Variants in ST18 observed in about 807,000 individuals in gnomAD.
ST18 encodes the protein suppression of tumorigenicity 18 protein.
Under a neutral mutation model 110.0 loss-of-function variants are expected in ST18, and 50 were observed. That is an observed-to-expected ratio of 0.45 (90% confidence interval 0.36 to 0.58). The LOEUF (loss-of-function observed/expected upper bound fraction) is 0.58, where lower values mean the gene tolerates loss of function less well. Among genes scored for constraint, ST18 ranks in the 20% least tolerant of loss-of-function variants. The probability of loss-of-function intolerance (pLI) is 0.00; values close to 1 mark genes in which losing one functional copy is unlikely to be tolerated. For synonymous variants in ST18, 461 were observed against 452.4 expected, an observed-to-expected ratio of 1.02 and a Z score of -0.24; for missense variants, 1,306 against 1,280.1, an observed-to-expected ratio of 1.02 and a Z score of -0.31.
intron 8 of ST18, among the ~76,000 whole-genome samples, chr8:52,211,383 T>A (rs1028892906): frequency 9.4e-6 from 1 of 106,012 alleles, no homozygotes; most frequent in African/African-American, 3.4e-5. Context: ...ATCTAATTAT[T>A]ATTATTATTA....
chr8:52,379,890 T>G (rs1434361548), intron 2 of ST18, among the ~76,000 whole-genome samples: 1 of 152,236 alleles, frequency 6.6e-6, no homozygotes, highest in Admixed American at 6.5e-5. Flanking sequence ...CCTGTTGTGA[T>G]TGTGGTGAGC....
chr8:52,283,486 G>A (rs74779857), intron 2 of ST18, among the ~76,000 whole-genome samples: 1 of 152,142 alleles, frequency 6.6e-6, no homozygotes, highest in East Asian at 1.9e-4. Context: ...CAGTGAGACA[G>A]GAAGAAAATG....
At position 52,133,122 on chromosome 8, in the gene ST18, A is replaced by G. The variant is rs1181585666; in HGVS notation, c.2379T>C (p.Pro793=). Residue 793 remains proline (P), a synonymous_variant, in exon 21 of 26, where the codon CCT becomes CCC. Coordinates refer to ENST00000689386, the MANE Select transcript of ST18 (RefSeq NM_001352837.2). ...YASHRSLSGC[P]RARKGGVKMT... ...TTTTGACACCACCTTTCCTTGCACG[A>G]GGGCATCCGGACAAGCTGAAATAGG... is the stretch of plus-strand genomic sequence containing the variant. 1.2e-6 allele frequency: 2 copies of G among 1,614,124 alleles called. No individual in the cohort carries two copies. The highest frequency in any genetic ancestry group is 3.3e-5 in the Admixed American group (2 of 60,018).
At chr8:52,275,103 A>C (rs2095198468) in intron 2 of ST18, among the ~76,000 whole-genome samples, 1 of 152,216 alleles carries the variant, frequency 6.6e-6, no homozygotes, top group Admixed American at 6.5e-5. Context: ...CCAAAAGCAA[A>C]AGCCCTAGAC....
chr8:52,171,066 T>C (rs1162948059), intron 10 of ST18, among the ~76,000 whole-genome samples: 1 of 152,136 alleles, frequency 6.6e-6, no homozygotes, highest in Non-Finnish European at 1.5e-5. Flanking sequence ...CTGATGATGA[T>C]GGGATCTGAA....
At chr8:52,198,709 A>G (rs2076976845) in intron 8 of ST18, among the ~76,000 whole-genome samples, 1 of 152,230 alleles carries the variant, frequency 6.6e-6, no homozygotes, top group Non-Finnish European at 1.5e-5. Context: ...ATATATATGT[A>G]CACACACAAA....
intron 2 of ST18, among the ~76,000 whole-genome samples, chr8:52,242,793 AC>A (rs1357051964): frequency 1.3e-5 from 2 of 150,734 alleles, no homozygotes; most frequent in African/African-American, 4.9e-5. Context: ...ATTCACTTGA[AC>A]CCTGGAGGCA....
chr8:52,392,471 A>C (rs1839651150), intron 2 of ST18, among the ~76,000 whole-genome samples: 1 of 152,168 alleles, frequency 6.6e-6, no homozygotes, highest in African/African-American at 2.4e-5. Context: ...GAGCTTAAGA[A>C]TAGGGAAGAC....
chr8:52,243,852 G>T (rs895653061), intron 2 of ST18, among the ~76,000 whole-genome samples: 2 of 152,050 alleles, frequency 1.3e-5, no homozygotes, highest in Admixed American at 6.6e-5. Flanking sequence ...AGGGTGATGG[G>T]GAGTGTGTGT....
At chr8:52,212,484 A>C (rs925273191) in intron 7 of ST18, among the ~76,000 whole-genome samples, 6 of 152,246 alleles carry the variant, frequency 3.9e-5, no homozygotes, top group African/African-American at 1.2e-4. Context: ...TTAATATTAA[A>C]CACACATTCA....
At chr8:52,357,367 A>G (rs1823226145) in intron 2 of ST18, among the ~76,000 whole-genome samples, 1 of 152,008 alleles carries the variant, frequency 6.6e-6, no homozygotes. Flanking sequence ...AAACTATCCA[A>G]TTAAAATGCA....
At chr8:52,171,720 A>G in intron 10 of ST18, 72 bp downstream of exon 10, 1 of 1,523,256 alleles carries the variant, frequency 6.6e-7, no homozygotes, top group Non-Finnish European at 9.0e-7. Flanking sequence ...TGAAAAAAAT[A>G]ATCAAATCTG....
chr8:52,242,833 T>C (rs2093547517), intron 2 of ST18, among the ~76,000 whole-genome samples: 1 of 151,432 alleles, frequency 6.6e-6, no homozygotes, highest in Admixed American at 6.6e-5. Context: ...GATCATGCCA[T>C]TGCACTCCAG....
Position 52,372,388 on chromosome 8 carries a change from G to A in ST18, c.-465+36940C>T, listed in dbSNP as rs936460758. On this transcript the variant is annotated intron_variant, in intron 2 of 25. Transcript: ENST00000689386. ...AAGTTTATAAAGTAAAAAAGTTACA[G>A]TACACTACGGTTAATTTATTACTGA... is the stretch of plus-strand genomic sequence containing the variant. 2.0e-5 allele frequency among the ~76,000 whole-genome samples: 3 copies of A among 152,270 alleles called. No homozygotes were observed. In the East Asian group the frequency reaches 5.8e-4, roughly 29 times the overall value.
chr8:52,246,130 T>C (rs2093825360), intron 2 of ST18, among the ~76,000 whole-genome samples: 1 of 152,162 alleles, frequency 6.6e-6, no homozygotes, highest in South Asian at 2.1e-4. Context: ...TTGAGTTCAC[T>C]GGAATGGAAT....
chr8:52,171,936 C>T lies in ST18; in HGVS notation c.925G>A (p.Ala309Thr), dbSNP rs897421699. 1.9e-6 allele frequency: 3 copies of T among 1,614,192 alleles called. No homozygotes were observed. Among genetic ancestry groups the T allele is most frequent in the African/African-American group, 2.7e-5 (2 of 75,062 alleles). ...CCTCGCTCAGCCTGCAGAGCAATTG[C>T]CTGCTCCAGCAAACTTAAATTCCCC... ...AKGNLSLLEQ[A>T]IALQAERGCV... is the part of the protein sequence containing the mutation. Residue 309 changes from alanine (A) to threonine (T), a missense_variant, in exon 10 of 26, where the codon GCA becomes ACA. Physicochemically the swap from Ala to Thr is moderately conservative, Grantham distance 58. Transcript: ENST00000689386.
chr8:52,129,565 AAGAG>A (rs2131382956), intron 22 of ST18, among the ~76,000 whole-genome samples: 1 of 152,160 alleles, frequency 6.6e-6, no homozygotes, highest in East Asian at 1.9e-4. Flanking sequence ...TTGAAATCAC[AAGAG>A]AAATTCAATT....
chr8:52,193,146 C>A (rs1192574842), intron 8 of ST18, among the ~76,000 whole-genome samples: 3 of 152,136 alleles, frequency 2.0e-5, no homozygotes, highest in Non-Finnish European at 4.4e-5. Context: ...CTGTCTAGAT[C>A]AGCAGAGGAA....
intron 15 of ST18, among the ~76,000 whole-genome samples, chr8:52,155,088 G>A (rs2059710080): frequency 6.6e-6 from 1 of 151,648 alleles, no homozygotes; most frequent in Non-Finnish European, 1.5e-5. Flanking sequence ...GGTAGTCCCA[G>A]CTGCTTGGGA....
Sources: gnomAD v4.1 joint callset for allele counts (sites outside exome capture counted in the v4.1 genomes callset) on GRCh38, gnomAD v4.1.1 for gene constraint, MANE v1.5 for transcripts, NCBI Gene and HGNC (gene_info 2026-07-23, HGNC 2026-07-21) for gene names.